The following EGFLAM variants were observed in gnomAD, a reference collection of about 807,000 sequenced individuals.
The protein encoded by EGFLAM is pikachurin.
A neutral mutation model predicts 113.1 loss-of-function variants in EGFLAM; 79 were observed. That is an observed-to-expected ratio of 0.70 (90% CI 0.58 to 0.84). EGFLAM has a LOEUF of 0.84. Among genes scored for constraint, EGFLAM ranks in the 40% least tolerant of loss-of-function variants. The pLI, the probability that EGFLAM is intolerant of heterozygous loss-of-function variation, is 0.00. For missense variants in EGFLAM, 1,265 were observed against 1,291.6 expected, an observed-to-expected ratio of 0.98 and a Z score of 0.32; for synonymous variants, 504 against 487.6, an observed-to-expected ratio of 1.03 and a Z score of -0.44.
intron 1 of EGFLAM, among the ~76,000 whole-genome samples, chr5:38,266,980 C>T (rs889649480): frequency 1.3e-5 from 2 of 152,112 alleles, no homozygotes; most frequent in Non-Finnish European, 1.5e-5. Flanking sequence ...CTGGAAAGAG[C>T]CCCCACTTAT....
At chr5:38,297,622 A>AG (rs1758478008) in intron 1 of EGFLAM, among the ~76,000 whole-genome samples, 1 of 152,204 alleles carries the variant, frequency 6.6e-6, no homozygotes, top group Non-Finnish European at 1.5e-5. Context: ...GAAGCTTTTA[A>AG]GAACGCTAAA....
rs529806522 is a variant in EGFLAM, at chr5:38,289,276, C to G, written c.97+30425C>G. Reference sequence around the variant, plus strand: ...TTGGCAATTACTCTTTCTTTCCCCGCCCCCACATTTCAGTTTCCAGGTCTT... The same window carrying G: ...TTGGCAATTACTCTTTCTTTCCCCGGCCCCACATTTCAGTTTCCAGGTCTT... On this transcript the variant is annotated intron_variant, in intron 1 of 21. Coordinates refer to ENST00000322350, the MANE Select transcript of EGFLAM (RefSeq NM_152403.4). Among the ~76,000 whole-genome samples the G allele has an allele frequency of 9.1e-3, 1,369 of 149,986 alleles. 35 individuals are homozygous for G. Among genetic ancestry groups the G allele is most frequent in the African/African-American group, 0.032 (1,305 of 40,552 alleles).
At chr5:38,356,482 A>G (rs1470123396) in intron 5 of EGFLAM, among the ~76,000 whole-genome samples, 2 of 152,222 alleles carry the variant, frequency 1.3e-5, no homozygotes, top group Non-Finnish European at 2.9e-5. Context: ...TCCATTGCAT[A>G]AGTTACTTTG....
chr5:38,270,895 T>A (rs1296242892), intron 1 of EGFLAM, among the ~76,000 whole-genome samples: 1 of 152,180 alleles, frequency 6.6e-6, no homozygotes, highest in African/African-American at 2.4e-5. Flanking sequence ...GATGTTAACT[T>A]TTCTATATTT....
At chr5:38,357,315 C>T (rs1739788383) in intron 5 of EGFLAM, among the ~76,000 whole-genome samples, 1 of 149,662 alleles carries the variant, frequency 6.7e-6, no homozygotes, top group African/African-American at 2.5e-5. Flanking sequence ...AATGGACCCT[C>T]ATCACACACT....
intron 6 of EGFLAM, among the ~76,000 whole-genome samples, chr5:38,383,197 ACCAAACGT>A (rs1361976730): frequency 2.0e-5 from 3 of 152,218 alleles, no homozygotes; most frequent in Non-Finnish European, 2.9e-5. Flanking sequence ...TTCTGGTGCA[ACCAAACGT>A]CCACAAACAA....
At chr5:38,268,642 G>A (rs1415198868) in intron 1 of EGFLAM, among the ~76,000 whole-genome samples, 1 of 152,168 alleles carries the variant, frequency 6.6e-6, no homozygotes, top group East Asian at 1.9e-4. Context: ...TATTTTATAC[G>A]TGGCAGAATT....
At chr5:38,360,819 A>T (rs541883600) in intron 5 of EGFLAM, among the ~76,000 whole-genome samples, 18 of 141,904 alleles carry the variant, frequency 1.3e-4, no homozygotes, top group African/African-American at 4.8e-4. Context: ...GTGTTTTGAA[A>T]TTATTTATTT....
intron 3 of EGFLAM, among the ~76,000 whole-genome samples, chr5:38,342,714 A>T (rs1280912078): frequency 6.6e-6 from 1 of 152,228 alleles, no homozygotes; most frequent in Non-Finnish European, 1.5e-5. Context: ...GAAATAGAAA[A>T]GAATGTTTAG....
At chr5:38,425,219 C>T (rs954251085) in intron 13 of EGFLAM, 127 bp downstream of exon 13, 65 of 1,407,172 alleles carry the variant, frequency 4.6e-5, no homozygotes, top group Non-Finnish European at 6.0e-5. Context: ...CCCTCTCTTA[C>T]CCAGGCCGGA....
chr5:38,459,996 A>G (rs972089908), intron 20 of EGFLAM, among the ~76,000 whole-genome samples: 7 of 152,384 alleles, frequency 4.6e-5, no homozygotes, highest in Non-Finnish European at 4.4e-5. Context: ...TTTCTAGACT[A>G]CAAGTTAAAA....
intron 17 of EGFLAM, among the ~76,000 whole-genome samples, chr5:38,442,072 T>C (rs1742554400): frequency 6.6e-6 from 1 of 152,178 alleles, no homozygotes; most frequent in Non-Finnish European, 1.5e-5. Context: ...GGCATTTATG[T>C]TGTGTTTACT....
In EGFLAM at chr5:38,458,379, G is replaced by A. The variant is rs115874410; in HGVS notation, c.2756G>A (p.Arg919Gln). ...TCCTTCAACGATGGTCGGTGGCACCGAGTTAAGGCCGTTAGGTGAGTCCCT... is the reference window on the plus strand; with the variant it reads ...TCCTTCAACGATGGTCGGTGGCACCAAGTTAAGGCCGTTAGGTGAGTCCCT... ...NGSFNDGRWH[R>Q]VKAVRDGQSG... is the part of the protein sequence containing the mutation. The change falls in exon 20 of 22, where the codon CGA becomes CAA. Residue 919 changes from arginine (R) to glutamine (Q), a missense_variant. Physicochemically the swap from Arg to Gln is conservative, Grantham distance 43 (BLOSUM62 1). Transcript: ENST00000322350. The A allele has an allele frequency of 5.4e-4, 875 of 1,614,018 alleles. No homozygotes were observed. The highest frequency in any genetic ancestry group is 7.0e-4 in the Non-Finnish European group (831 of 1,179,968).
intron 14 of EGFLAM, among the ~76,000 whole-genome samples, chr5:38,428,822 C>G (rs1404485885): frequency 6.6e-6 from 1 of 152,082 alleles, no homozygotes; most frequent in Non-Finnish European, 1.5e-5. Flanking sequence ...TGTAAATTTA[C>G]TAAGTTATTG....
At chr5:38,463,071 C>T in intron 21 of EGFLAM, 60 bp downstream of exon 21, 1 of 1,531,688 alleles carries the variant, frequency 6.5e-7, no homozygotes, top group South Asian at 1.2e-5. Context: ...GTTAGTCTTC[C>T]ATTTGCTGTG....
At chr5:38,436,298 T>G (rs751501056) in intron 16 of EGFLAM, among the ~76,000 whole-genome samples, 7 of 152,188 alleles carry the variant, frequency 4.6e-5, no homozygotes, top group Non-Finnish European at 8.8e-5. Context: ...TCATCCTGTT[T>G]TCCTTTAGTG....
Position 38,258,774 on chromosome 5 carries a change from T to G in EGFLAM, c.20T>G (p.Val7Gly). 2.5e-6 allele frequency: 4 copies of G among 1,611,602 alleles called. No homozygotes were observed. The highest frequency in any genetic ancestry group is 3.4e-6 in the Non-Finnish European group (4 of 1,179,260). MDLIRG[V>G]LLRLLLLASS... is the part of the protein sequence containing the mutation. ...TGCGAAATGGATTTAATCCGAGGCGTCTTGCTCCGGCTCCTGCTCCTGGCT... is the reference window on the plus strand; with the variant it reads ...TGCGAAATGGATTTAATCCGAGGCGGCTTGCTCCGGCTCCTGCTCCTGGCT... Residue 7 changes from valine to glycine, a missense_variant, in exon 1 of 22, where the codon GTC becomes GGC. Val to Gly is a moderately radical substitution (Grantham distance 109, BLOSUM62 -3). Coordinates refer to ENST00000322350, the MANE Select transcript of EGFLAM (RefSeq NM_152403.4).
At chr5:38,356,395 C>T (rs1739763164) in intron 5 of EGFLAM, among the ~76,000 whole-genome samples, 1 of 152,194 alleles carries the variant, frequency 6.6e-6, no homozygotes, top group Admixed American at 6.5e-5. Context: ...AGTATCTATA[C>T]ACGTAGACAC....
At chr5:38,311,848 T>A (rs1738452993) in intron 1 of EGFLAM, among the ~76,000 whole-genome samples, 1 of 152,108 alleles carries the variant, frequency 6.6e-6, no homozygotes, top group South Asian at 2.1e-4. Context: ...AACGACAAAC[T>A]GAGCAATGAG....
Sources: allele counts gnomAD v4.1 joint callset (sites outside exome capture counted in the v4.1 genomes callset), GRCh38; gene constraint gnomAD v4.1.1; transcripts MANE v1.5; gene names NCBI Gene and HGNC (gene_info 2026-07-23, HGNC 2026-07-21).